The following C11orf97 variants were observed in gnomAD, a reference collection of about 807,000 sequenced individuals.
The protein encoded by C11orf97 is uncharacterized protein C11orf97.
Under a neutral mutation model 16.2 loss-of-function variants are expected in C11orf97, and 15 were observed. The ratio of observed to expected loss-of-function variants is 0.93; its 90% CI spans 0.62 to 1.43. The LOEUF (loss-of-function observed/expected upper bound fraction) is 1.43. Among genes scored for constraint, C11orf97 ranks in the 40% most tolerant of loss-of-function variants. The pLI, the probability that C11orf97 is intolerant of heterozygous loss-of-function variation, is 0.00. For missense variants in C11orf97, 171 were observed against 161.2 expected (o/e 1.06, Z -0.33); for synonymous variants, 61 against 65.7 (o/e 0.93, Z 0.34).
At chr11:94,520,997 C>T (rs764406056) in intron 2 of C11orf97, among the ~76,000 whole-genome samples, 1 of 152,182 alleles carries the variant, frequency 6.6e-6, no homozygotes, top group Non-Finnish European at 1.5e-5. Context: ...CCACTTTAAC[C>T]ACACAGGCTT....
chr11:94,514,538 GT>G (rs1377427639), intron 1 of C11orf97, among the ~76,000 whole-genome samples: 1 of 151,104 alleles, frequency 6.6e-6, no homozygotes, highest in Non-Finnish European at 1.5e-5. Flanking sequence ...AAGTGTGGTT[GT>G]TTGCTTGTAA....
chr11:94,528,271 C>T (rs1947714262), intron 3 of C11orf97, 62 bp downstream of exon 3: 2 of 1,422,142 alleles, frequency 1.4e-6, no homozygotes, highest in Non-Finnish European at 1.9e-6. Flanking sequence ...AGTTTACAAA[C>T]CAGTGGTATA....
At chr11:94,520,683 G>A (rs992489046) in intron 2 of C11orf97, among the ~76,000 whole-genome samples, 3 of 152,040 alleles carry the variant, frequency 2.0e-5, no homozygotes, top group Non-Finnish European at 2.9e-5. Flanking sequence ...CTCAAACTCC[G>A]TATCCAGTCT....
intron 1 of C11orf97, among the ~76,000 whole-genome samples, chr11:94,514,937 G>T (rs570526370): frequency 6.6e-6 from 1 of 152,008 alleles, no homozygotes; most frequent in Non-Finnish European, 1.5e-5. Context: ...GAGCCACCGC[G>T]CCTGGCCAAT....
chr11:94,517,689 T>G lies in C11orf97; in HGVS notation c.250+2T>G, dbSNP rs1467509899. 2.7e-6 allele frequency: 4 copies of G among 1,508,112 alleles called. No homozygotes were observed. Among genetic ancestry groups the G allele is most frequent in the Non-Finnish European group, 3.5e-6 (4 of 1,129,360 alleles). The allele number at this position is 1,508,112 out of a possible 1,614,324, so 93.4% of individuals were successfully genotyped here. A position where few individuals can be genotyped will look rare whatever the true frequency, so the allele number is the denominator to read the frequency against. On this transcript the variant is annotated splice_donor_variant, in intron 2 of 3. Coordinates refer to ENST00000542198, the MANE Select transcript of C11orf97 (RefSeq NM_001190462.2). LOFTEE classifies it high-confidence loss of function. ...GCCACATTAAAAATCCAGCTGCAGGTAATCTCAGTGACAAATGAAGTATGT... is the reference window on the plus strand; with the variant it reads ...GCCACATTAAAAATCCAGCTGCAGGGAATCTCAGTGACAAATGAAGTATGT...
At chr11:94,517,551 C>A in intron 1 of C11orf97, 32 bp from the exon 2 acceptor site, 1 of 1,323,880 alleles carries the variant, frequency 7.6e-7, no homozygotes, top group Non-Finnish European at 1.0e-6. Context: ...AGTATTTATA[C>A]TAAGTAATTG....
intron 2 of C11orf97, among the ~76,000 whole-genome samples, chr11:94,522,476 G>T (rs1157786491): frequency 6.6e-6 from 1 of 152,188 alleles, no homozygotes; most frequent in Non-Finnish European, 1.5e-5. Flanking sequence ...GGTGGAGCTT[G>T]CAGTGAGCCG....
At chr11:94,519,153 C>T (rs1226961023) in intron 2 of C11orf97, among the ~76,000 whole-genome samples, 1 of 152,128 alleles carries the variant, frequency 6.6e-6, no homozygotes, top group Non-Finnish European at 1.5e-5. Flanking sequence ...CGTGATCTGC[C>T]CACCTCGGCC....
intron 1 of C11orf97, among the ~76,000 whole-genome samples, chr11:94,514,802 G>A (rs1370561371): frequency 2.6e-5 from 4 of 151,764 alleles, no homozygotes; most frequent in African/African-American, 4.8e-5. Flanking sequence ...GCACCATCAC[G>A]CCTGGCTAAT....
At chr11:94,520,494 C>T (rs1377448946) in intron 2 of C11orf97, among the ~76,000 whole-genome samples, 1 of 152,176 alleles carries the variant, frequency 6.6e-6, no homozygotes, top group Non-Finnish European at 1.5e-5. Flanking sequence ...TATTTCTACC[C>T]TATACTTTTC....
chr11:94,522,125 C>G (rs545757298), intron 2 of C11orf97, among the ~76,000 whole-genome samples: 1 of 152,278 alleles, frequency 6.6e-6, no homozygotes, highest in South Asian at 2.1e-4. Context: ...TTTTCTCATA[C>G]TTTTCACTAC....
chr11:94,518,895 A>C (rs370362214), intron 2 of C11orf97, among the ~76,000 whole-genome samples: 16 of 151,464 alleles, frequency 1.1e-4, no homozygotes, highest in African/African-American at 3.6e-4. Flanking sequence ...TACATGATGT[A>C]TGTTGTGCCC....
In C11orf97 at chr11:94,528,091, G is replaced by C; in HGVS notation, c.258G>C (p.Leu86=). ...CTTAAAAAATATTGACAGTGGCCCT[G>C]GAAGGGATTTGGAGCATTAAAAGGA... ...CHIKNPAAVA[L]EGIWSIKRNL... is the part of the protein sequence containing the mutation. Residue 86 remains leucine, a synonymous_variant, in exon 3 of 4, where the codon CTG becomes CTC. Transcript: ENST00000542198. The C allele has an allele frequency of 6.5e-7, 1 of 1,529,588 alleles. No homozygotes were observed. Among genetic ancestry groups the C allele is most frequent in the Middle Eastern group, 1.7e-4 (1 of 5,938 alleles). The allele number at this position is 1,529,588 out of a possible 1,614,324, so 94.8% of individuals were successfully genotyped here. A position where few individuals can be genotyped will look rare whatever the true frequency, so the allele number is the denominator to read the frequency against.
At chr11:94,513,230 T>C (rs369124758) in intron 1 of C11orf97, among the ~76,000 whole-genome samples, 20 of 152,212 alleles carry the variant, frequency 1.3e-4, no homozygotes, top group African/African-American at 4.6e-4. Context: ...AATTATGGGC[T>C]ACATTTTAAC....
rs773289526 is a variant in C11orf97 at position 94,512,663 on chromosome 11, C to G, written c.135C>G (p.His45Gln). Residue 45 changes from histidine (H) to glutamine (Q), a missense_variant, in exon 1 of 4, where the codon CAC becomes CAG. Coordinates refer to ENST00000542198, the MANE Select transcript of C11orf97 (RefSeq NM_001190462.2). ...RGEPGRGPLE[H>Q]GQQWKKFLYC... ...AACCCGGCCGCGGCCCCCTAGAGCACGGCCAGCAGTGTGAGTTCAGCTCCA... is the reference window on the plus strand; with the variant it reads ...AACCCGGCCGCGGCCCCCTAGAGCAGGGCCAGCAGTGTGAGTTCAGCTCCA... The G allele has an allele frequency of 8.9e-6, 11 of 1,241,500 alleles. No homozygotes were observed. Among genetic ancestry groups the G allele is most frequent in the African/African-American group, 1.6e-5 (1 of 64,472 alleles). 76.9% of individuals were successfully genotyped at this position (1,241,500 alleles called of 1,614,324 possible). A position where few individuals can be genotyped will look rare whatever the true frequency, so the allele number is the denominator to read the frequency against.
At chr11:94,527,220 A>G (rs1947707371) in intron 2 of C11orf97, among the ~76,000 whole-genome samples, 1 of 152,198 alleles carries the variant, frequency 6.6e-6, no homozygotes, top group African/African-American at 2.4e-5. Flanking sequence ...CTTGCTATGG[A>G]ATCCTTTAGA....
chr11:94,518,628 G>A (rs1367281178), intron 2 of C11orf97, among the ~76,000 whole-genome samples: 1 of 152,176 alleles, frequency 6.6e-6, no homozygotes, highest in Non-Finnish European at 1.5e-5. Context: ...AATCCCAGAT[G>A]TTAGTTTGAA....
At chr11:94,515,791 T>C (rs941224980) in intron 1 of C11orf97, among the ~76,000 whole-genome samples, 2 of 152,080 alleles carry the variant, frequency 1.3e-5, no homozygotes, top group South Asian at 4.1e-4. Flanking sequence ...TTACCCGTAC[T>C]AGCTCCTTAG....
intron 1 of C11orf97, among the ~76,000 whole-genome samples, chr11:94,514,253 A>AT (rs376266846): frequency 0.49 from 73,759 of 151,448 alleles, 18,775 homozygotes; most frequent in Non-Finnish European, 0.56. Context: ...CATGCTAGGC[A>AT]TTCCACAAGT....
Sources: allele counts gnomAD v4.1 joint callset (sites outside exome capture counted in the v4.1 genomes callset), GRCh38; gene constraint gnomAD v4.1.1; transcripts MANE v1.5; gene names NCBI Gene and HGNC (gene_info 2026-07-23, HGNC 2026-07-21).